Variants in NEXMIF observed in about 807,000 individuals in gnomAD.
The protein encoded by NEXMIF is neurite extension and migration factor.
A neutral mutation model predicts 62.1 loss-of-function variants in NEXMIF; 8 were observed. That is an observed-to-expected ratio of 0.13 (90% CI 0.08 to 0.23). NEXMIF has a LOEUF of 0.23. Among genes scored for constraint, NEXMIF ranks in the 10% least tolerant of loss-of-function variants. The pLI is 1.00. For synonymous variants in NEXMIF, 404 were observed against 416.6 expected (o/e 0.97, Z 0.37); for missense variants, 976 against 1,113.3 (o/e 0.88, Z 1.75).
intron 1 of NEXMIF, among the ~76,000 whole-genome samples, chrX:74,813,149 A>T (rs1278633770): frequency 9.0e-6 from 1 of 111,625 alleles, no homozygotes; most frequent in Non-Finnish European, 1.9e-5. Flanking sequence ...GTTAATTGAG[A>T]TTCTTTAAGG....
At chrX:74,898,646 G>A (rs2080739810) in intron 1 of NEXMIF, among the ~76,000 whole-genome samples, 1 of 111,449 alleles carries the variant, frequency 9.0e-6, no homozygotes, top group African/African-American at 3.3e-5. Context: ...TGGGGTATGT[G>A]GGAATTTTCT....
intron 1 of NEXMIF, among the ~76,000 whole-genome samples, chrX:74,796,153 A>ATTTATATATAATATATATATTATATATAT (rs1491449324): frequency 2.9e-5 from 2 of 68,993 alleles, no homozygotes; most frequent in African/African-American, 1.2e-4. Context: ...TTATATATAT[A>ATTTATATATAATATATATATTATATATAT]CATATATATT....
intron 1 of NEXMIF, among the ~76,000 whole-genome samples, chrX:74,906,971 C>T (rs1201473596): frequency 9.0e-6 from 1 of 111,177 alleles, no homozygotes. Flanking sequence ...CCTTTTTCCC[C>T]AGCCCTAATC....
At chrX:74,747,691 G>A (rs180766010) in intron 1 of NEXMIF, among the ~76,000 whole-genome samples, 1 of 108,271 alleles carries the variant, frequency 9.2e-6, no homozygotes, top group African/African-American at 3.4e-5. Context: ...CCCAGGTGGA[G>A]GGCAGTGGCC....
At chrX:74,793,569 GT>G (rs1335966723) in intron 1 of NEXMIF, among the ~76,000 whole-genome samples, 4 of 111,351 alleles carry the variant, frequency 3.6e-5, no homozygotes, top group Non-Finnish European at 7.5e-5. Context: ...CCTGCAGAGT[GT>G]TTTCCAACTT....
At chrX:74,829,955 T>C (rs2147483430) in intron 1 of NEXMIF, among the ~76,000 whole-genome samples, 1 of 111,981 alleles carries the variant, frequency 8.9e-6, no homozygotes, top group African/African-American at 3.2e-5. Flanking sequence ...ATTGATCCCT[T>C]GTCAGATGGG....
chrX:74,765,129 T>C lies in NEXMIF; in HGVS notation c.-47-19432A>G, dbSNP rs940740206. Among the ~76,000 whole-genome samples the C allele has an allele frequency of 4.2e-4, 47 of 112,054 alleles. 2 individuals are homozygous for C. Among genetic ancestry groups the C allele is most frequent in the Non-Finnish European group, 1.9e-5 (1 of 53,241 alleles). ...CTCCTGTGATAGGTGCATATATATT[T>C]ATACTAGTTAGGACTTCTCGTTCAA... On this transcript the variant is annotated intron_variant, in intron 1 of 3. Coordinates refer to ENST00000055682, the MANE Select transcript of NEXMIF (RefSeq NM_001008537.3).
At chrX:74,915,266 G>A (rs1364585564) in intron 1 of NEXMIF, among the ~76,000 whole-genome samples, 1 of 111,408 alleles carries the variant, frequency 9.0e-6, no homozygotes, top group Non-Finnish European at 1.9e-5. Flanking sequence ...GTAAAACCAT[G>A]TTTCTACAAA....
chrX:74,824,985 G>C (rs2080410208), intron 1 of NEXMIF, among the ~76,000 whole-genome samples: 1 of 110,846 alleles, frequency 9.0e-6, no homozygotes, highest in Non-Finnish European at 1.9e-5. Flanking sequence ...TTTCCATAAT[G>C]GCTGTACTAA....
intron 1 of NEXMIF, among the ~76,000 whole-genome samples, chrX:74,900,711 A>G (rs2080746971): frequency 9.0e-6 from 1 of 111,602 alleles, no homozygotes; most frequent in Non-Finnish European, 1.9e-5. Context: ...ATATTTGTAC[A>G]CCCATTGTCA....
intron 1 of NEXMIF, among the ~76,000 whole-genome samples, chrX:74,910,206 G>A (rs2080783966): frequency 8.9e-6 from 1 of 112,481 alleles, no homozygotes; most frequent in Non-Finnish European, 1.9e-5. Context: ...GTGCCAGCCT[G>A]TGAAAGCAGC....
chrX:74,815,523 C>T (rs186370417), intron 1 of NEXMIF, among the ~76,000 whole-genome samples: 11 of 111,643 alleles, frequency 9.9e-5, no homozygotes, highest in African/African-American at 3.6e-4. Flanking sequence ...GAAAAATATT[C>T]CTTTCCACAT....
At chrX:74,875,142 G>C (rs1046583138) in intron 1 of NEXMIF, among the ~76,000 whole-genome samples, 9 of 111,051 alleles carry the variant, frequency 8.1e-5, no homozygotes, top group Non-Finnish European at 1.5e-4. Flanking sequence ...GTCATAGATA[G>C]CTCTTATTAT....
intron 1 of NEXMIF, among the ~76,000 whole-genome samples, chrX:74,885,098 C>T (rs757003281): frequency 5.5e-5 from 6 of 109,999 alleles, no homozygotes; most frequent in African/African-American, 9.9e-5. Context: ...TTGAAACCAA[C>T]GAGAACAAAG....
chrX:74,761,340 C>T (rs1239483651), intron 1 of NEXMIF, among the ~76,000 whole-genome samples: 1 of 111,629 alleles, frequency 9.0e-6, no homozygotes. Flanking sequence ...GTGAATCGAC[C>T]TGGTCCTGGG....
At chrX:74,887,131 C>A (rs1261566148) in intron 1 of NEXMIF, among the ~76,000 whole-genome samples, 1 of 112,223 alleles carries the variant, frequency 8.9e-6, no homozygotes, top group Admixed American at 9.4e-5. Flanking sequence ...CTTCCTTACA[C>A]CTTATACAAA....
intron 1 of NEXMIF, among the ~76,000 whole-genome samples, chrX:74,814,796 A>G (rs970952588): frequency 2.7e-5 from 3 of 112,232 alleles, no homozygotes; most frequent in African/African-American, 6.5e-5. Context: ...ACATTCTTGC[A>G]TTGTAAGAGA....
rs190069720 is a variant in NEXMIF, at chrX:74,840,180, T to G, written c.-48+84703A>C. ...CTAATGATCAGTGATTTTGAGCTAT[T>G]TTTCATATGCTTGTTGGCTGCATGT... On this transcript the variant is annotated intron_variant, in intron 1 of 3. Transcript: ENST00000055682. 3.2e-3 allele frequency among the ~76,000 whole-genome samples: 360 copies of G among 112,173 alleles called. 2 individuals carry two copies. The highest frequency in any genetic ancestry group is 0.011 in the African/African-American group (343 of 30,889).
chrX:74,831,826 G>T (rs751064026), intron 1 of NEXMIF, among the ~76,000 whole-genome samples: 15 of 111,658 alleles, frequency 1.3e-4, no homozygotes, highest in African/African-American at 4.9e-4. Context: ...TATCATGAAG[G>T]AATTTCAAAT....
Sources: allele counts gnomAD v4.1 joint callset (sites outside exome capture counted in the v4.1 genomes callset), GRCh38; gene constraint gnomAD v4.1.1; transcripts MANE v1.5; gene names NCBI Gene and HGNC (gene_info 2026-07-23, HGNC 2026-07-21).